Variants in PGBD2 observed in about 807,000 individuals in gnomAD.
The protein encoded by PGBD2 is piggyBac transposable element derived 2, also known as piggyBac transposable element-derived protein 2.
A neutral mutation model predicts 8.1 loss-of-function variants in PGBD2; 6 were observed. That is an observed-to-expected ratio of 0.74 (90% CI 0.40 to 1.46). PGBD2 has a LOEUF of 1.46. Ranked by LOEUF, PGBD2 falls within the 40% of genes most tolerant of loss-of-function variation. The probability of loss-of-function intolerance (pLI) is 0.02; values close to 1 mark genes in which losing one functional copy is unlikely to be tolerated. For synonymous variants in PGBD2, 318 were observed against 272.2 expected, an observed-to-expected ratio of 1.17 and a Z score of -1.66; for missense variants, 802 against 739.0, an observed-to-expected ratio of 1.09 and a Z score of -0.99.
chr1:248,928,687 A>C, the PGBD2 span, among the ~76,000 whole-genome samples: 1 of 152,180 alleles, frequency 6.6e-6, no homozygotes, highest in African/African-American at 2.4e-5. Context: ...CACACTACAG[A>C]GTGGGTAATA....
At chr1:248,901,095 CACAA>C in the PGBD2 span, among the ~76,000 whole-genome samples, 1 of 152,048 alleles carries the variant, frequency 6.6e-6, no homozygotes, top group African/African-American at 2.4e-5. Flanking sequence ...TCAGAGAGGA[CACAA>C]ACAAATGGGA....
At position 248,918,097 on chromosome 1, in the gene PGBD2, T is replaced by C. The variant is rs1436279234; in HGVS notation, c.1513T>C (p.Cys505Arg). ...CAATGCATGGCAGCTGCATAGAATC[T>C]GCTGCCAAGATGCCCAGGTGGACCT... ...LNNAWQLHRI[C>R]CQDAQVDLLA... Residue 505 changes from cysteine to arginine, a missense_variant, in exon 3 of 3, where the codon TGC becomes CGC. By Grantham distance (180) the Cys-to-Arg change is radical. Coordinates refer to ENST00000329291, the MANE Select transcript of PGBD2 (RefSeq NM_170725.3). 3 of 1,614,260 alleles carry C rather than the reference T, an allele frequency of 1.9e-6. No individual in the cohort carries two copies. The highest frequency in any genetic ancestry group is 1.7e-6 in the Non-Finnish European group (2 of 1,180,050).
At chr1:248,913,581 C>T (rs752211891) in intron 1 of PGBD2, among the ~76,000 whole-genome samples, 1 of 152,276 alleles carries the variant, frequency 6.6e-6, no homozygotes. Context: ...CCCCGCCACC[C>T]CACAAGGGAA....
chr1:248,881,583 T>A, the PGBD2 span, among the ~76,000 whole-genome samples: 1 of 152,248 alleles, frequency 6.6e-6, no homozygotes, highest in East Asian at 1.9e-4. Context: ...TGATTAATGA[T>A]CTTATTAACT....
the PGBD2 span, among the ~76,000 whole-genome samples, chr1:248,886,864 C>T: frequency 6.6e-6 from 1 of 152,174 alleles, no homozygotes; most frequent in Non-Finnish European, 1.5e-5. Flanking sequence ...AAGCAGTCAA[C>T]AGCAAACCTG....
At chr1:248,884,253 A>G in the PGBD2 span, among the ~76,000 whole-genome samples, 3 of 152,194 alleles carry the variant, frequency 2.0e-5, no homozygotes, top group African/African-American at 7.2e-5. Context: ...TTCTAAGCCA[A>G]TATAAGTGAT....
In PGBD2 at chr1:248,918,059, A is replaced by G. The variant is rs1279329399; in HGVS notation, c.1475A>G (p.Asp492Gly). The stretch of plus-strand genomic sequence containing the variant: ...TCAAGCTTTATTGGCTATGTCATTG[A>G]TGCTGCCCTCAACAATGCATGGCAG... ...WYSSFIGYVI[D>G]AALNNAWQLH... The change falls in exon 3 of 3, where the codon GAT (aspartate) becomes GGT (glycine). Residue 492 changes from aspartate (D) to glycine (G), a missense_variant. Asp to Gly is a moderately conservative substitution (Grantham distance 94). Coordinates refer to ENST00000329291, the MANE Select transcript of PGBD2 (RefSeq NM_170725.3). 6.2e-7 allele frequency: 1 copy of G among 1,614,214 alleles called. No homozygotes were observed.
the PGBD2 span, among the ~76,000 whole-genome samples, chr1:248,876,159 C>T: frequency 1.3e-5 from 2 of 152,176 alleles, no homozygotes; most frequent in Non-Finnish European, 1.5e-5. Context: ...CAGGCATGCA[C>T]CACCATGCCT....
the PGBD2 span, among the ~76,000 whole-genome samples, chr1:248,887,543 T>C: frequency 6.6e-6 from 1 of 152,174 alleles, no homozygotes; most frequent in Admixed American, 6.5e-5. Context: ...ATCTTGTTAG[T>C]AATGATGTTA....
chr1:248,898,562 GGAATT>G, the PGBD2 span, among the ~76,000 whole-genome samples: 2 of 152,164 alleles, frequency 1.3e-5, no homozygotes, highest in African/African-American at 4.8e-5. Flanking sequence ...AAATGCTGAG[GGAATT>G]CATCACCACC....
upstream of PGBD2, among the ~76,000 whole-genome samples, chr1:248,905,089 C>T (rs1438128329): frequency 6.6e-6 from 1 of 152,160 alleles, no homozygotes; most frequent in East Asian, 1.9e-4. Flanking sequence ...CTCCCATTTT[C>T]CCATGGCTTA....
the PGBD2 span, among the ~76,000 whole-genome samples, chr1:248,874,951 T>C: frequency 7.6e-6 from 1 of 131,046 alleles, no homozygotes; most frequent in African/African-American, 2.9e-5. Context: ...GATAGATAGA[T>C]AGATAGACAA....
chr1:248,920,140 A>G (rs764970600), downstream of PGBD2, among the ~76,000 whole-genome samples: 14 of 151,640 alleles, frequency 9.2e-5, no homozygotes, highest in Non-Finnish European at 1.8e-4. Flanking sequence ...GCCTCCCAGT[A>G]TATATCTTTT....
rs372346850 is a variant in PGBD2 at position 248,917,758 on chromosome 1, A to C, written c.1174A>C (p.Lys392Gln). Residue 392 changes from lysine to glutamine, a missense_variant, in exon 3 of 3, where the codon AAA becomes CAA. Transcript: ENST00000329291. ...CPLKDPKELK[K>Q]MKRGSFDYKV... is the part of the protein sequence containing the mutation. ...CCTAAAAGACCCCAAAGAACTGAAA[A>C]AAATGAAGAGGGGTTCATTTGATTA... 2.0e-5 allele frequency: 33 copies of C among 1,614,216 alleles called. No homozygotes were observed. Among genetic ancestry groups the C allele is most frequent in the Middle Eastern group, 1.6e-4 (1 of 6,062 alleles).
chr1:248,923,192 G>A (rs1281237775), downstream of PGBD2, among the ~76,000 whole-genome samples: 1 of 152,174 alleles, frequency 6.6e-6, no homozygotes, highest in African/African-American at 2.4e-5. Flanking sequence ...TTGGGAGGGT[G>A]TATGTGTCCA....
chr1:248,907,676 A>G (rs1299677748), intron 1 of PGBD2, among the ~76,000 whole-genome samples: 1 of 152,210 alleles, frequency 6.6e-6, no homozygotes, highest in Non-Finnish European at 1.5e-5. Flanking sequence ...GCTTGTAAAC[A>G]TTTTGTTAAC....
chr1:248,913,594 C>T (rs1661987308), intron 1 of PGBD2, among the ~76,000 whole-genome samples: 1 of 152,172 alleles, frequency 6.6e-6, no homozygotes, highest in Non-Finnish European at 1.5e-5. Flanking sequence ...CAAGGGAAGA[C>T]TCATCTAGCC....
the PGBD2 span, among the ~76,000 whole-genome samples, chr1:248,876,907 G>A: frequency 1.3e-5 from 2 of 152,136 alleles, no homozygotes; most frequent in Non-Finnish European, 2.9e-5. Flanking sequence ...TGTAAATAAT[G>A]TGCTAATAAT....
intron 1 of PGBD2, among the ~76,000 whole-genome samples, chr1:248,911,626 T>G (rs1661882431): frequency 6.8e-6 from 1 of 146,400 alleles, no homozygotes; most frequent in African/African-American, 2.8e-5. Context: ...CTCAATGAGC[T>G]GTTGGGCACA....
Sources: allele counts gnomAD v4.1 joint callset (sites outside exome capture counted in the v4.1 genomes callset), GRCh38; gene constraint gnomAD v4.1.1; transcripts MANE v1.5; gene names NCBI Gene and HGNC (gene_info 2026-07-23, HGNC 2026-07-21).